The following AMPD3 variants were observed in gnomAD, a reference collection of about 807,000 sequenced individuals.
AMPD3 encodes the protein adenosine monophosphate deaminase 3.
Under a neutral mutation model 82.3 loss-of-function variants are expected in AMPD3, and 57 were observed. The observed-to-expected ratio is 0.69, with a 90% CI of 0.56 to 0.86. The LOEUF is 0.86. Ranked by LOEUF, AMPD3 falls within the 40% of genes least tolerant of loss-of-function variation. The pLI is 0.00. For missense variants in AMPD3, 870 were observed against 1,003.8 expected (o/e 0.87, Z 1.80); for synonymous variants, 381 against 394.7 (o/e 0.97, Z 0.41).
intron 13 of AMPD3, 172 bp from the exon 14 acceptor site, chr11:10,504,377 T>C (rs1398487020): frequency 2.1e-6 from 1 of 470,202 alleles, no homozygotes; most frequent in African/African-American, 2.1e-5. Flanking sequence ...AACCCATGAT[T>C]TTACAGAAGA....
intron 5 of AMPD3, 97 bp from the exon 6 acceptor site, chr11:10,487,138 C>T (rs1023370346): frequency 1.3e-6 from 2 of 1,597,570 alleles, no homozygotes; most frequent in Non-Finnish European, 1.7e-6. Flanking sequence ...CGTCCTGACC[C>T]TTCCAGCCAG....
chr11:10,492,550 T>C (rs1409406406), intron 6 of AMPD3, among the ~76,000 whole-genome samples: 1 of 152,170 alleles, frequency 6.6e-6, no homozygotes, highest in Non-Finnish European at 1.5e-5. Context: ...GGGTTATCAC[T>C]AAAACTGTGA....
chr11:10,452,031 G>T (rs562599557), upstream of AMPD3, among the ~76,000 whole-genome samples: 3 of 152,154 alleles, frequency 2.0e-5, no homozygotes, highest in Non-Finnish European at 4.4e-5. Flanking sequence ...GTATGGGGCT[G>T]CCCTCTCTAG....
chr11:10,489,400 A>C (rs1849175328), intron 6 of AMPD3, among the ~76,000 whole-genome samples: 1 of 152,192 alleles, frequency 6.6e-6, no homozygotes, highest in Admixed American at 6.5e-5. Flanking sequence ...TTTTCTTCTA[A>C]GGTGGGGCCC....
intron 2 of AMPD3, 61 bp from the exon 3 acceptor site, chr11:10,478,465 T>G (rs770684264): frequency 3.0e-5 from 48 of 1,603,498 alleles, no homozygotes; most frequent in African/African-American, 4.0e-5. Flanking sequence ...GCAAAGAGTC[T>G]TTATCACTCA....
chr11:10,505,041 C>A, intron 14 of AMPD3: 1 of 862,294 alleles, frequency 1.2e-6, no homozygotes, highest in Non-Finnish European at 1.4e-6. Flanking sequence ...AATTATATCC[C>A]CGGGCCCTAG....
Position 10,507,156 on chromosome 11 carries a change from C to A in AMPD3, c.*1272C>A, listed in dbSNP as rs935289879. 6.6e-6 allele frequency: 1 copy of A among 152,460 alleles called. No homozygotes were observed. The highest frequency in any genetic ancestry group is 2.4e-5 in the African/African-American group (1 of 41,432). The allele number at this position is 152,460 out of a possible 1,614,324, so 9.4% of individuals were successfully genotyped here. A position where few individuals can be genotyped will look rare whatever the true frequency, so the allele number is the denominator to read the frequency against. On this transcript the variant is annotated 3_prime_UTR_variant, in exon 15 of 15. Transcript: ENST00000396553. ...ATTTCTTTTGGCAACTTTTTAAGGA[C>A]ATGTGCTCTTAGTACTTAAGAGGCT... is the stretch of plus-strand genomic sequence containing the variant.
At chr11:10,503,518 C>T (rs1224885833) in intron 13 of AMPD3, among the ~76,000 whole-genome samples, 21 of 152,098 alleles carry the variant, frequency 1.4e-4, no homozygotes, top group Admixed American at 1.3e-3. Context: ...GGTCTCTGGA[C>T]CCCTTTATAC....
intron 8 of AMPD3, 178 bp from the exon 9 acceptor site, chr11:10,495,392 C>T (rs958459344): frequency 6.1e-6 from 6 of 984,760 alleles, no homozygotes; most frequent in Non-Finnish European, 4.8e-6. Context: ...CAGAGGGGGC[C>T]TCTCCTAAAG....
intron 2 of AMPD3, among the ~76,000 whole-genome samples, chr11:10,472,875 A>T (rs1007525901): frequency 8.8e-4 from 133 of 151,962 alleles, no homozygotes; most frequent in African/African-American, 3.0e-3. Flanking sequence ...GTGGTGGCAC[A>T]TGTCTGTAAT....
intron 2 of AMPD3, among the ~76,000 whole-genome samples, chr11:10,468,126 C>T (rs913185745): frequency 3.9e-5 from 6 of 152,146 alleles, no homozygotes; most frequent in African/African-American, 1.4e-4. Flanking sequence ...GCAAAACAAC[C>T]AGCTAGCATC....
At chr11:10,499,103 A>G (rs980477509) in intron 10 of AMPD3, 7 of 152,390 alleles carry the variant, frequency 4.6e-5, no homozygotes, top group Admixed American at 3.9e-4. Flanking sequence ...GGACCCTCTT[A>G]TCTGTCTGTG....
intron 2 of AMPD3, among the ~76,000 whole-genome samples, chr11:10,475,489 G>A (rs968442386): frequency 7.9e-5 from 12 of 152,098 alleles, no homozygotes; most frequent in Non-Finnish European, 1.2e-4. Context: ...GCTGGGCCTC[G>A]GTTGTATAGA....
intron 6 of AMPD3, among the ~76,000 whole-genome samples, chr11:10,488,042 G>A (rs1031465276): frequency 1.2e-4 from 19 of 152,140 alleles, no homozygotes; most frequent in Admixed American, 5.9e-4. Context: ...GGAGATGGGA[G>A]TTTGTGGTTT....
At chr11:10,465,090 G>C (rs1184375199) in intron 2 of AMPD3, among the ~76,000 whole-genome samples, 1 of 152,222 alleles carries the variant, frequency 6.6e-6, no homozygotes, top group Non-Finnish European at 1.5e-5. Flanking sequence ...GACATACCTT[G>C]TGAGAATTAA....
At chr11:10,501,439 C>T (rs1375858286) in intron 11 of AMPD3, 31 bp from the exon 12 acceptor site, 1 of 1,610,912 alleles carries the variant, frequency 6.2e-7, no homozygotes, top group Non-Finnish European at 8.5e-7. Flanking sequence ...TGGGGGGGGC[C>T]TTCCTGATTC....
At chr11:10,450,921 G>A (rs1847943288), upstream of AMPD3, 3 of 1,280,160 alleles carry the variant, frequency 2.3e-6, no homozygotes, top group East Asian at 3.3e-5. Context: ...GCCTGGCCGG[G>A]CCCTGGCCCC....
chr11:10,482,276 C>A, intron 4 of AMPD3, 51 bp downstream of exon 4: 1 of 1,590,134 alleles, frequency 6.3e-7, no homozygotes, highest in Admixed American at 1.7e-5. Context: ...AGACCGAGAG[C>A]TAGTCAGGGC....
chr11:10,502,324 C>A (rs1849602236), intron 12 of AMPD3: 1 of 985,444 alleles, frequency 1.0e-6, no homozygotes, highest in Admixed American at 6.1e-5. Context: ...TAGTCTCAAC[C>A]TGGCTGTTTG....
Sources: allele counts gnomAD v4.1 joint callset (sites outside exome capture counted in the v4.1 genomes callset), GRCh38; gene constraint gnomAD v4.1.1; transcripts MANE v1.5; gene names NCBI Gene and HGNC (gene_info 2026-07-23, HGNC 2026-07-21).